Variants in TENM3 observed in about 807,000 individuals in gnomAD.
TENM3 encodes the protein teneurin transmembrane protein 3, also known as teneurin-3.
In TENM3, 63 loss-of-function variants were observed where a neutral mutation model predicts 255.1. That is an observed-to-expected ratio of 0.25 (90% CI 0.20 to 0.30). TENM3 has a LOEUF of 0.30. TENM3 is among the 10% of genes least tolerant of loss of function. The pLI, the probability that TENM3 is intolerant of heterozygous loss-of-function variation, is 1.00. For synonymous variants in TENM3, 1,306 were observed against 1,322.3 expected (o/e 0.99, Z 0.27); for missense variants, 2,929 against 3,461.1 (o/e 0.85, Z 3.86).
At chr4:182,053,173 G>C in the TENM3 span, among the ~76,000 whole-genome samples, 1 of 152,044 alleles carries the variant, frequency 6.6e-6, no homozygotes, top group African/African-American at 2.4e-5. Context: ...GGCTATCTCA[G>C]GCAGCTGTGT....
the TENM3 span, among the ~76,000 whole-genome samples, chr4:181,593,334 A>G: frequency 6.6e-6 from 1 of 152,238 alleles, no homozygotes; most frequent in Non-Finnish European, 1.5e-5. Context: ...CTGGAAATGA[A>G]CGTGGAGTGA....
At chr4:182,002,244 G>A in the TENM3 span, among the ~76,000 whole-genome samples, 10 of 151,934 alleles carry the variant, frequency 6.6e-5, no homozygotes, top group Non-Finnish European at 1.3e-4. Flanking sequence ...TCATTTATTG[G>A]TCTTTCACTA....
At chr4:181,976,003 T>C in the TENM3 span, 1 of 152,230 alleles carries the variant, frequency 6.6e-6, no homozygotes, top group Non-Finnish European at 1.5e-5. Flanking sequence ...TAGCCGGCAT[T>C]CTCCCTGTGT....
rs561727289 is a variant in TENM3, at chr4:182,620,950, C to T, written c.750-7701C>T. ...ATCCCAGCACTTTGGGAGGCCAAGGCGGGTGGATCCCCTGAGGTCAGGAGA... is the reference window on the plus strand; with the variant it reads ...ATCCCAGCACTTTGGGAGGCCAAGGTGGGTGGATCCCCTGAGGTCAGGAGA... On this transcript the variant is annotated intron_variant, in intron 4 of 27. Transcript: ENST00000511685. 3.9e-4 allele frequency among the ~76,000 whole-genome samples: 59 copies of T among 152,206 alleles called. No individual in the cohort carries two copies. The South Asian group carries it at 4.4e-3, about 11-fold the overall frequency.
At chr4:181,486,652 C>T in the TENM3 span, among the ~76,000 whole-genome samples, 137 of 152,192 alleles carry the variant, frequency 9.0e-4, no homozygotes, top group Admixed American at 2.0e-3. Context: ...TTTATAGCGG[C>T]GCTATTTACA....
intron 4 of TENM3, among the ~76,000 whole-genome samples, chr4:182,619,677 C>T (rs1489320408): frequency 1.3e-5 from 2 of 152,168 alleles, no homozygotes; most frequent in African/African-American, 4.8e-5. Flanking sequence ...CCTCAAGATT[C>T]CAGAGCCACA....
chr4:182,573,991 T>A (rs1333575573), intron 3 of TENM3, among the ~76,000 whole-genome samples: 2 of 152,148 alleles, frequency 1.3e-5, no homozygotes, highest in African/African-American at 4.8e-5. Context: ...TAATTCTTCT[T>A]AAAGGCATTT....
rs1452203302 is a variant in TENM3, at chr4:182,780,674, C to T, written c.5304+5521C>T. Among the ~76,000 whole-genome samples the T allele has an allele frequency of 2.6e-3, 391 of 148,510 alleles. 2 individuals are homozygous for T. The highest frequency in any genetic ancestry group is 8.8e-3 in the African/African-American group (350 of 39,724). The stretch of plus-strand genomic sequence containing the variant: ...TATGGCCATTTTCACGATATTGATT[C>T]TTCCTACCCATGAGCATGGAATGTT... On this transcript the variant is annotated intron_variant, in intron 24 of 27. Coordinates refer to ENST00000511685, the MANE Select transcript of TENM3 (RefSeq NM_001080477.4).
At chr4:181,694,192 G>T in the TENM3 span, among the ~76,000 whole-genome samples, 13 of 152,264 alleles carry the variant, frequency 8.5e-5, no homozygotes, top group African/African-American at 2.9e-4. Context: ...ATTGAAATAA[G>T]TTGGTTTCTG....
In TENM3 at chr4:182,686,150, A is replaced by G. The variant is rs75524889; in HGVS notation, c.2036-2016A>G. Among the ~76,000 whole-genome samples, 1,201 of 152,140 alleles carry G rather than the reference A, an allele frequency of 7.9e-3. 13 individuals carry two copies. The highest frequency in any genetic ancestry group is 0.028 in the African/African-American group (1,151 of 41,534). On this transcript the variant is annotated intron_variant, in intron 11 of 27. Transcript: ENST00000511685. ...CCTCAATGCAAAAAAGAAACTTCAC[A>G]TATATTTAACTCTCAATAAATAGAG...
the TENM3 span, among the ~76,000 whole-genome samples, chr4:181,838,295 C>T: frequency 6.6e-6 from 1 of 152,224 alleles, no homozygotes; most frequent in African/African-American, 2.4e-5. Context: ...TTAGGATCTT[C>T]TCGCCTACAT....
chr4:181,892,814 C>T, the TENM3 span, among the ~76,000 whole-genome samples: 1 of 152,164 alleles, frequency 6.6e-6, no homozygotes, highest in Non-Finnish European at 1.5e-5. Flanking sequence ...CAGGCTGAAA[C>T]TCTCTATACA....
At chr4:182,709,202 C>T (rs532069567) in intron 12 of TENM3, among the ~76,000 whole-genome samples, 2 of 152,142 alleles carry the variant, frequency 1.3e-5, no homozygotes, top group African/African-American at 4.8e-5. Context: ...AGGATGGTCT[C>T]GAACTCCTGA....
the TENM3 span, among the ~76,000 whole-genome samples, chr4:182,066,690 C>T: frequency 1.3e-5 from 2 of 151,414 alleles, no homozygotes; most frequent in African/African-American, 4.9e-5. Context: ...GCGGGCGGAT[C>T]ACAAGGTCAG....
chr4:182,073,362 G>T, the TENM3 span, among the ~76,000 whole-genome samples: 1 of 152,152 alleles, frequency 6.6e-6, no homozygotes, highest in African/African-American at 2.4e-5. Flanking sequence ...AATTCAAGAT[G>T]AAATTTGGGT....
the TENM3 span, among the ~76,000 whole-genome samples, chr4:181,639,560 T>C: frequency 6.6e-6 from 1 of 152,018 alleles, no homozygotes; most frequent in Non-Finnish European, 1.5e-5. Context: ...GCCAACACAG[T>C]GAAACCCCGT....
At chr4:182,454,269 A>G (rs1773703292) in intron 3 of TENM3, among the ~76,000 whole-genome samples, 1 of 152,144 alleles carries the variant, frequency 6.6e-6, no homozygotes, top group Non-Finnish European at 1.5e-5. Flanking sequence ...TTCGTTTTCA[A>G]ATATTATTTC....
chr4:182,638,243 A>G (rs1752007534), intron 5 of TENM3, among the ~76,000 whole-genome samples: 1 of 152,164 alleles, frequency 6.6e-6, no homozygotes, highest in Admixed American at 6.5e-5. Context: ...TTTATAAAGA[A>G]TTTTCAAAAA....
At chr4:182,238,991 A>C (rs1453673313), upstream of TENM3, among the ~76,000 whole-genome samples, 1 of 151,906 alleles carries the variant, frequency 6.6e-6, no homozygotes, top group South Asian at 2.1e-4. Context: ...TATATAAAAA[A>C]TAAAATCTCC....
Sources: allele counts gnomAD v4.1 joint callset (sites outside exome capture counted in the v4.1 genomes callset), GRCh38; gene constraint gnomAD v4.1.1; transcripts MANE v1.5; gene names NCBI Gene and HGNC (gene_info 2026-07-23, HGNC 2026-07-21).